Variants in ASTN1 observed in about 807,000 individuals in gnomAD.
ASTN1 encodes the protein astrotactin 1.
ASTN1 carries 41 observed loss-of-function variants against 140.7 expected under a neutral mutation model. The ratio of observed to expected loss-of-function variants is 0.29; its 90% CI spans 0.23 to 0.38. The LOEUF is 0.38. Among genes scored for constraint, ASTN1 ranks in the 10% least tolerant of loss-of-function variants. ASTN1 has a pLI of 1.00. For missense variants in ASTN1, 1,479 were observed against 1,678.8 expected (o/e 0.88, Z 2.08); for synonymous variants, 640 against 652.2 (o/e 0.98, Z 0.29).
intron 1 of ASTN1, among the ~76,000 whole-genome samples, chr1:177,131,585 G>GA (rs145365218): frequency 0.019 from 2,849 of 151,904 alleles, 40 homozygotes; most frequent in Non-Finnish European, 0.027. Flanking sequence ...ATTTTTAAAT[G>GA]AAAAACCAAG....
At chr1:176,860,791 G>C (rs1667935550), downstream of ASTN1, among the ~76,000 whole-genome samples, 1 of 152,200 alleles carries the variant, frequency 6.6e-6, no homozygotes, top group Non-Finnish European at 1.5e-5. Context: ...ATCATTCGTA[G>C]TGTCTAGAAT....
At chr1:176,954,895 G>A (rs1672335147) in intron 11 of ASTN1, among the ~76,000 whole-genome samples, 1 of 152,212 alleles carries the variant, frequency 6.6e-6, no homozygotes, top group African/African-American at 2.4e-5. Flanking sequence ...GCAATTAACT[G>A]TGTAGCAATT....
intron 21 of ASTN1, among the ~76,000 whole-genome samples, chr1:176,874,394 GC>G (rs1668476616): frequency 6.6e-6 from 1 of 152,206 alleles, no homozygotes. Context: ...TAAAATGTGA[GC>G]CTTTTCTTCT....
intron 1 of ASTN1, among the ~76,000 whole-genome samples, chr1:177,097,750 C>T (rs1304243863): frequency 6.6e-6 from 1 of 152,082 alleles, no homozygotes; most frequent in Non-Finnish European, 1.5e-5. Context: ...GAACCTTCAG[C>T]CCCACCCCAG....
At chr1:176,929,718 A>G (rs577877672) in intron 16 of ASTN1, among the ~76,000 whole-genome samples, 1 of 152,308 alleles carries the variant, frequency 6.6e-6, no homozygotes, top group Non-Finnish European at 1.5e-5. Flanking sequence ...GCATTTAAAA[A>G]TGATAACAGA....
Position 177,061,062 on chromosome 1 carries a change from G to C in ASTN1, c.471+16C>G. 6.4e-7 allele frequency: 1 copy of C among 1,557,828 alleles called. No homozygotes were observed. Among genetic ancestry groups the C allele is most frequent in the South Asian group, 1.2e-5 (1 of 80,778 alleles). Reference sequence around the variant, plus strand: ...ATAAGCTATGGCCTGAGAGGCTAAGGCTGTTCTGCTCTTACCATGACTGAG... The same window carrying C: ...ATAAGCTATGGCCTGAGAGGCTAAGCCTGTTCTGCTCTTACCATGACTGAG... On this transcript the variant is annotated intron_variant, in intron 2 of 22. Coordinates refer to ENST00000361833, the MANE Select transcript of ASTN1 (RefSeq NM_004319.3).
chr1:176,893,119 G>A (rs1473247116), intron 17 of ASTN1, among the ~76,000 whole-genome samples: 2 of 152,150 alleles, frequency 1.3e-5, no homozygotes, highest in Non-Finnish European at 2.9e-5. Context: ...AAGAAAGCAC[G>A]ATGTACTCTC....
At chr1:176,941,379 C>A (rs1671705024) in intron 14 of ASTN1, among the ~76,000 whole-genome samples, 1 of 152,098 alleles carries the variant, frequency 6.6e-6, no homozygotes, top group South Asian at 2.1e-4. Context: ...AGAAAAGTAG[C>A]CAGGTCAAGA....
chr1:177,071,903 C>A (rs1446632627), intron 1 of ASTN1, among the ~76,000 whole-genome samples: 1 of 152,020 alleles, frequency 6.6e-6, no homozygotes, highest in Non-Finnish European at 1.5e-5. Flanking sequence ...GACTCAAGCA[C>A]GTGAAGAATA....
chr1:176,972,653 C>T (rs1355458444), intron 8 of ASTN1, among the ~76,000 whole-genome samples: 4 of 152,060 alleles, frequency 2.6e-5, no homozygotes, highest in Non-Finnish European at 4.4e-5. Flanking sequence ...TGTGAGCCAC[C>T]ATGCTTGGCC....
At chr1:176,977,622 A>G (rs1673421598) in intron 8 of ASTN1, among the ~76,000 whole-genome samples, 1 of 152,206 alleles carries the variant, frequency 6.6e-6, no homozygotes, top group Non-Finnish European at 1.5e-5. Context: ...CTTTTTATGC[A>G]TTTATACTAG....
chr1:176,940,498 G>A (rs1034541737), intron 14 of ASTN1, among the ~76,000 whole-genome samples: 1 of 152,146 alleles, frequency 6.6e-6, no homozygotes, highest in Admixed American at 6.5e-5. Context: ...TTCTAGTTAA[G>A]CCACCTACAA....
At chr1:176,906,843 CAAAAA>C (rs35062067) in intron 16 of ASTN1, among the ~76,000 whole-genome samples, 1 of 86,508 alleles carries the variant, frequency 1.2e-5, no homozygotes, top group Non-Finnish European at 2.4e-5. Context: ...GACTCTCTCT[CAAAAA>C]AAAAAAAAAA....
intron 1 of ASTN1, among the ~76,000 whole-genome samples, chr1:177,106,579 T>G (rs957775668): frequency 6.6e-6 from 1 of 152,182 alleles, no homozygotes; most frequent in African/African-American, 2.4e-5. Flanking sequence ...CTTATAAATT[T>G]TGCTGAAAGT....
At chr1:176,960,433 T>C (rs1369685900) in intron 9 of ASTN1, among the ~76,000 whole-genome samples, 2 of 152,236 alleles carry the variant, frequency 1.3e-5, no homozygotes, top group East Asian at 3.9e-4. Context: ...TGGTTTACAA[T>C]TTATGTAACT....
In ASTN1 at chr1:177,086,123, G is replaced by A. The variant is rs1021079563; in HGVS notation, c.284-24858C>T. On this transcript the variant is annotated intron_variant, in intron 1 of 22. Coordinates refer to ENST00000361833, the MANE Select transcript of ASTN1 (RefSeq NM_004319.3). ...ATGATCTGATCCAGGATTTCTCTGCGCTATTGGAATTGCTGGATGTCCTGG... is the reference window on the plus strand; with the variant it reads ...ATGATCTGATCCAGGATTTCTCTGCACTATTGGAATTGCTGGATGTCCTGG... Among the ~76,000 whole-genome samples, 7 of 151,984 alleles carry A rather than the reference G, an allele frequency of 4.6e-5. No homozygotes were observed. The East Asian group carries it at 7.8e-4, about 17-fold the overall frequency.
At chr1:177,104,098 G>A (rs958791383) in intron 1 of ASTN1, among the ~76,000 whole-genome samples, 9 of 151,926 alleles carry the variant, frequency 5.9e-5, no homozygotes, top group African/African-American at 1.7e-4. Context: ...CAGTACCCTC[G>A]CCCTGGCCTC....
At position 177,061,120 on chromosome 1, in the gene ASTN1, C is replaced by T. The variant is rs966805488; in HGVS notation, c.429G>A (p.Glu143=). 4.3e-6 allele frequency: 7 copies of T among 1,611,066 alleles called. No individual in the cohort carries two copies. The highest frequency in any genetic ancestry group is 5.9e-6 in the Non-Finnish European group (7 of 1,178,696). Residue 143 remains glutamate (E), a synonymous_variant, in exon 2 of 23, where the codon GAG becomes GAA. Transcript: ENST00000361833. ...GQDPTEEPQH[E]SAEEELRILH... ...GGATCCTCAGCTCCTCTTCTGCCGA[C>T]TCATGTTGGGGTTCTTCAGTGGGGT...
chr1:177,138,424 C>T (rs898824464), intron 1 of ASTN1, among the ~76,000 whole-genome samples: 2 of 152,152 alleles, frequency 1.3e-5, no homozygotes, highest in South Asian at 2.1e-4. Context: ...CGGATACTTC[C>T]GTTTTTGTGG....
Sources: gnomAD v4.1 joint callset for allele counts (sites outside exome capture counted in the v4.1 genomes callset) on GRCh38, gnomAD v4.1.1 for gene constraint, MANE v1.5 for transcripts, NCBI Gene and HGNC (gene_info 2026-07-23, HGNC 2026-07-21) for gene names.